The following IRF9 variants were observed in gnomAD, a reference collection of about 807,000 sequenced individuals.
The protein encoded by IRF9 is IFN-alpha-responsive transcription factor subunit.
Under a neutral mutation model 44.1 loss-of-function variants are expected in IRF9, and 13 were observed. The ratio of observed to expected loss-of-function variants is 0.29; its 90% CI spans 0.19 to 0.47. The LOEUF (loss-of-function observed/expected upper bound fraction) is 0.47. IRF9 is among the 20% of genes least tolerant of loss of function. The probability of loss-of-function intolerance (pLI) is 1.00; values close to 1 mark genes in which losing one functional copy is unlikely to be tolerated. For missense variants in IRF9, 373 were observed against 496.1 expected, an observed-to-expected ratio of 0.75 and a Z score of 2.36; for synonymous variants, 189 against 188.5, an observed-to-expected ratio of 1.00 and a Z score of -0.02.
chr14:24,163,590 G>A (rs2038486328), intron 4 of IRF9, 82 bp downstream of exon 4: 2 of 1,501,646 alleles, frequency 1.3e-6, no homozygotes, highest in East Asian at 4.5e-5. Context: ...AAGACACTGT[G>A]TCTTGGGAGG....
Position 24,164,465 on chromosome 14 carries a change from C to G in IRF9, c.650-149C>G. On this transcript the variant is annotated intron_variant, in intron 6 of 8. Coordinates refer to ENST00000396864, the MANE Select transcript of IRF9 (RefSeq NM_006084.5). This position sits in a 1 kb window ranked among gnomAD's most constrained non-coding sequence, Gnocchi z 5.2. Reference sequence around the variant, plus strand: ...AGCCCTGAGGCCTCATGGTGAATCACATACTAGCTACTTGCCTCAGTGATA... The same window carrying G: ...AGCCCTGAGGCCTCATGGTGAATCAGATACTAGCTACTTGCCTCAGTGATA... The G allele has an allele frequency of 1.3e-6, 1 of 751,618 alleles. No individual in the cohort carries two copies. The highest frequency in any genetic ancestry group is 2.2e-6 in the Non-Finnish European group (1 of 455,218). 46.6% of individuals were successfully genotyped at this position (751,618 alleles called of 1,614,324 possible).
At chr14:24,166,085 C>T (rs762067001) in intron 8 of IRF9, 37 bp from the exon 9 acceptor site, 28 of 1,603,248 alleles carry the variant, frequency 1.7e-5, no homozygotes, top group Middle Eastern at 1.7e-4. Flanking sequence ...CCCTGATGCA[C>T]GCACTGAGAT....
Position 24,164,979 on chromosome 14 carries a change from A to G in IRF9, c.991+24A>G. The G allele has an allele frequency of 6.2e-7, 1 of 1,606,928 alleles. No individual in the cohort carries two copies. Among genetic ancestry groups the G allele is most frequent in the African/African-American group, 1.3e-5 (1 of 74,924 alleles). ...AGGTGAGGCTGTTCTCTCTGGGCAC[A>G]TGAGCTTCCACCCCCTACCTCTTAG... On this transcript the variant is annotated intron_variant, in intron 7 of 8. Coordinates refer to ENST00000396864, the MANE Select transcript of IRF9 (RefSeq NM_006084.5). The surrounding 1 kb of genome is among the most constrained non-coding windows in gnomAD (Gnocchi z 5.2).
chr14:24,162,180 C>G lies in IRF9; in HGVS notation c.36C>G (p.Leu12=). The change falls in exon 2 of 9, where the codon CTC becomes CTG. Residue 12 remains leucine, a synonymous_variant. Coordinates refer to ENST00000396864, the MANE Select transcript of IRF9 (RefSeq NM_006084.5). ...ASGRARCTRK[L]RNWVVEQVES... is the part of the protein sequence containing the mutation. ...GCAGGGCACGCTGCACCCGAAAACT[C>G]CGGAACTGGGTGGTGGAGCAAGTGG... 1 of 1,614,096 alleles carries G rather than the reference C, an allele frequency of 6.2e-7. No homozygotes were observed. Among genetic ancestry groups the G allele is most frequent in the East Asian group, 2.2e-5 (1 of 44,872 alleles).
rs1052584954 is a variant in IRF9, at chr14:24,164,227, C to G, written c.649+93C>G. 9.2e-7 allele frequency: 1 copy of G among 1,083,202 alleles called. No individual in the cohort carries two copies. The highest frequency in any genetic ancestry group is 1.4e-6 in the Non-Finnish European group (1 of 704,166). The allele number at this position is 1,083,202 out of a possible 1,614,324, so 67.1% of individuals were successfully genotyped here. On this transcript the variant is annotated intron_variant, in intron 6 of 8. Coordinates refer to ENST00000396864, the MANE Select transcript of IRF9 (RefSeq NM_006084.5). This position sits in a 1 kb window ranked among gnomAD's most constrained non-coding sequence, Gnocchi z 5.2. ...GCATTATCTAGTCAGTCAGGGCTTACAGCAAACTGTACCCACATTACCATA... is the reference window on the plus strand; with the variant it reads ...GCATTATCTAGTCAGTCAGGGCTTAGAGCAAACTGTACCCACATTACCATA...
At chr14:24,163,697 G>C (rs2038487845) in intron 4 of IRF9, 181 bp from the exon 5 acceptor site, 2 of 860,258 alleles carry the variant, frequency 2.3e-6, no homozygotes, top group Non-Finnish European at 3.6e-6. Context: ...AATTAGCTGT[G>C]CGTTGTGGCA....
intron 7 of IRF9, chr14:24,165,280 A>G: frequency 1.5e-6 from 1 of 686,254 alleles, no homozygotes; most frequent in South Asian, 1.5e-5. Flanking sequence ...TGGCACAGAG[A>G]TTTTGAGCCT....
At position 24,166,177 on chromosome 14, in the gene IRF9, C is replaced by G; in HGVS notation, c.1163C>G (p.Ala388Gly). 1.2e-6 allele frequency: 2 copies of G among 1,614,062 alleles called. No individual in the cohort carries two copies. The highest frequency in any genetic ancestry group is 1.7e-6 in the Non-Finnish European group (2 of 1,180,012). ...LLEQTPEQQA[A>G]ILSLV ...GAGCAGACTCCAGAGCAGCAGGCAG[C>G]CATTCTGTCCCTGGTGTAGAGCCTG... The change falls in exon 9 of 9, where the codon GCC becomes GGC. Residue 388 changes from alanine to glycine, a missense_variant. Around this residue, in one of 2 missense-constraint regions of IRF9, gnomAD observed 146 missense variants for 240.8 expected, o/e 0.61. Coordinates refer to ENST00000396864, the MANE Select transcript of IRF9 (RefSeq NM_006084.5).
chr14:24,163,778 A>C, intron 4 of IRF9, 100 bp from the exon 5 acceptor site: 2 of 1,216,076 alleles, frequency 1.6e-6, no homozygotes, highest in Non-Finnish European at 1.1e-6. Context: ...CGGAGATAGC[A>C]GTGAGCCGAG....
Position 24,166,226 on chromosome 14 carries a change from T to A in IRF9, c.*30T>A, listed in dbSNP as rs763338518. ...TGGGGGACCCATCTTCCACCTCACC[T>A]CTTTGTTCTTCCTGTCTCCTTTGAA... is the stretch of plus-strand genomic sequence containing the variant. On this transcript the variant is annotated 3_prime_UTR_variant, in exon 9 of 9. Coordinates refer to ENST00000396864, the MANE Select transcript of IRF9 (RefSeq NM_006084.5). 3.0e-5 allele frequency: 47 copies of A among 1,587,266 alleles called. No homozygotes were observed. In the South Asian group the frequency reaches 4.9e-4, roughly 16 times the overall value.
Position 24,166,249 on chromosome 14 carries a change from G to A in IRF9, c.*53G>A. On this transcript the variant is annotated 3_prime_UTR_variant, in exon 9 of 9. Coordinates refer to ENST00000396864, the MANE Select transcript of IRF9 (RefSeq NM_006084.5). ...CCTCTTTGTTCTTCCTGTCTCCTTT[G>A]AAGTAGACTCATTCTTCACACGATT... 1 of 1,447,080 alleles carries A rather than the reference G, an allele frequency of 6.9e-7. No homozygotes were observed. Among genetic ancestry groups the A allele is most frequent in the Non-Finnish European group, 9.7e-7 (1 of 1,033,278 alleles). 89.6% of individuals were successfully genotyped at this position (1,447,080 alleles called of 1,614,324 possible). A position where few individuals can be genotyped will look rare whatever the true frequency, so the allele number is the denominator to read the frequency against.
intron 7 of IRF9, chr14:24,165,325 G>T: frequency 1.5e-6 from 1 of 649,758 alleles, no homozygotes; most frequent in Non-Finnish European, 2.8e-6. Flanking sequence ...ATTTGGGAGA[G>T]CTGGCACACA....
rs112361586 is a variant in IRF9 at position 24,163,587 on chromosome 14, T to A, written c.495+79T>A. 5.9e-6 allele frequency: 9 copies of A among 1,523,792 alleles called. No individual in the cohort carries two copies. The African/African-American group carries it at 6.9e-5, about 12-fold the overall frequency. The allele number at this position is 1,523,792 out of a possible 1,614,324, so 94.4% of individuals were successfully genotyped here. Reference sequence around the variant, plus strand: ...GGAGAGGTGGGCCAATGAAAGACACTGTGTCTTGGGAGGCCGAGGCTGGCA... The same window carrying A: ...GGAGAGGTGGGCCAATGAAAGACACAGTGTCTTGGGAGGCCGAGGCTGGCA... On this transcript the variant is annotated intron_variant, in intron 4 of 8. Transcript: ENST00000396864.
intron 2 of IRF9, 160 bp downstream of exon 2, chr14:24,162,484 A>C: frequency 1.4e-6 from 1 of 733,040 alleles, no homozygotes; most frequent in Non-Finnish European, 2.1e-6. Context: ...ACAAAATGAA[A>C]ATGTGGAGGC....
intron 7 of IRF9, 70 bp downstream of exon 7, chr14:24,165,025 T>C (rs751083581): frequency 7.0e-7 from 1 of 1,420,090 alleles, no homozygotes; most frequent in Non-Finnish European, 9.8e-7. Flanking sequence ...GCCCAACTTG[T>C]TGGGTCCTGC....
At position 24,163,935 on chromosome 14, in the gene IRF9, A is replaced by AGCAGCT. The variant is rs2038491263; in HGVS notation, c.558_559insTGCAGC (p.Ser186_Ser187insCysSer). ...TTCAGACATTGGGAGCAGCAGCAGCAGCAGCAGCCCTGAGCCACAGGAAGG... is the reference window on the plus strand; with the variant it reads ...TTCAGACATTGGGAGCAGCAGCAGCAGCAGCTGCAGCAGCCCTGAGCCACAGGAAGG... On this transcript the variant is annotated inframe_insertion, in exon 5 of 9. Transcript: ENST00000396864. The AGCAGCT allele has an allele frequency of 3.1e-6, 5 of 1,606,194 alleles. No homozygotes were observed. Among genetic ancestry groups the AGCAGCT allele is most frequent in the Non-Finnish European group, 4.2e-6 (5 of 1,177,816 alleles).
chr14:24,163,974 G>A lies in IRF9; in HGVS notation c.577+15G>A. On this transcript the variant is annotated intron_variant, in intron 5 of 8. Coordinates refer to ENST00000396864, the MANE Select transcript of IRF9 (RefSeq NM_006084.5). ...GCCACAGGAAGGTACCACCTGCCCT[G>A]CCTCTTGTGTCGTCCCCCATGCCAC... 6.2e-7 allele frequency: 1 copy of A among 1,608,988 alleles called. No individual in the cohort carries two copies. Among genetic ancestry groups the A allele is most frequent in the Non-Finnish European group, 8.5e-7 (1 of 1,177,600 alleles).
At chr14:24,163,254 TG>T in intron 3 of IRF9, 105 bp downstream of exon 3, 1 of 1,542,834 alleles carries the variant, frequency 6.5e-7, no homozygotes, top group Non-Finnish European at 8.8e-7. Context: ...TCCATGCCCT[TG>T]GGGGGCTGCA....
intron 3 of IRF9, 40 bp from the exon 4 acceptor site, chr14:24,163,338 C>A: frequency 1.2e-6 from 2 of 1,602,924 alleles, no homozygotes; most frequent in South Asian, 1.1e-5. Flanking sequence ...TGTCCTTGCT[C>A]AAGACCCTGA....
Sources: gnomAD v4.1 joint callset for allele counts on GRCh38, gnomAD v4.1.1 for gene constraint, gnomAD v4.1.1 regional missense constraint, Gnocchi (gnomAD v3.1) non-coding constraint, MANE v1.5 for transcripts, NCBI Gene and HGNC (gene_info 2026-07-23, HGNC 2026-07-21) for gene names.